Variants in PNPLA8 observed in about 807,000 individuals in gnomAD.
PNPLA8 encodes calcium-independent phospholipase A2-gamma.
A neutral mutation model predicts 76.9 loss-of-function variants in PNPLA8; 39 were observed. That is an observed-to-expected ratio of 0.51 (90% CI 0.39 to 0.66). The LOEUF is 0.66. PNPLA8 is among the 30% of genes least tolerant of loss of function. PNPLA8 has a pLI of 0.00. For missense variants in PNPLA8, 887 were observed against 918.0 expected, an observed-to-expected ratio of 0.97 and a Z score of 0.44; for synonymous variants, 301 against 307.9, an observed-to-expected ratio of 0.98 and a Z score of 0.24.
chr7:108,496,402 AAACT>A, intron 7 of PNPLA8, 178 bp downstream of exon 7: 1 of 447,342 alleles, frequency 2.2e-6, no homozygotes, highest in East Asian at 4.0e-5. Flanking sequence ...AACAATTACT[AAACT>A]ATGATTCACC....
At chr7:108,476,341 C>T (rs1245394934) in intron 10 of PNPLA8, among the ~76,000 whole-genome samples, 1 of 152,136 alleles carries the variant, frequency 6.6e-6, no homozygotes, top group African/African-American at 2.4e-5. Context: ...AACTCTTATG[C>T]GACTGCCCGA....
intron 10 of PNPLA8, among the ~76,000 whole-genome samples, chr7:108,474,345 C>T (rs1859829958): frequency 1.3e-5 from 2 of 152,108 alleles, no homozygotes; most frequent in Non-Finnish European, 2.9e-5. Flanking sequence ...GATGTCTAGT[C>T]TCACACCTTC....
chr7:108,518,721 ATATATAT>A, intron 2 of PNPLA8, among the ~76,000 whole-genome samples: 1 of 3,284 alleles, frequency 3.0e-4, no homozygotes, highest in Non-Finnish European at 1.2e-3. Context: ...ATGCACATGA[ATATATAT>A]ATATATATAT....
In PNPLA8 at chr7:108,502,534, C is replaced by T; in HGVS notation, c.1315G>A (p.Gly439Arg). 1 of 1,612,152 alleles carries T rather than the reference C, an allele frequency of 6.2e-7. No homozygotes were observed. Among genetic ancestry groups the T allele is most frequent in the Non-Finnish European group, 8.5e-7 (1 of 1,179,016 alleles). ...ALIGYVDPVK[G>R]RGIRILSIDG... is the part of the protein sequence containing the mutation. ...ATTGAGAGAATTCGGATTCCTCTCC[C>T]TTTCACTGGATCCACATAGCCAATT... Residue 439 changes from glycine (G) to arginine (R), a missense_variant, in exon 5 of 11, where the codon GGG (glycine) becomes AGG (arginine). Coordinates refer to ENST00000257694, the MANE Select transcript of PNPLA8 (RefSeq NM_001256007.3).
chr7:108,506,775 C>T, intron 4 of PNPLA8, among the ~76,000 whole-genome samples: 1 of 151,366 alleles, frequency 6.6e-6, no homozygotes, highest in East Asian at 1.9e-4. Flanking sequence ...AAAAGAGGCA[C>T]AACTAAATTA....
chr7:108,496,622 A>C lies in PNPLA8; in HGVS notation c.1587T>G (p.His529Gln), dbSNP rs1256120394. ...CCCATGTTTGACTGTCATAAAATGC[A>C]TGGCTCCAACTCATTTTTACTGTTC... ...IVGTVKMSWS[H>Q]AFYDSQTWEN... Residue 529 changes from histidine to glutamine, a missense_variant, in exon 7 of 11, where the codon CAT becomes CAG. Transcript: ENST00000257694. 6.2e-7 allele frequency: 1 copy of C among 1,606,240 alleles called. No individual in the cohort carries two copies. Among genetic ancestry groups the C allele is most frequent in the Non-Finnish European group, 8.5e-7 (1 of 1,177,372 alleles).
At chr7:108,489,032 T>C (rs1400412743) in intron 8 of PNPLA8, among the ~76,000 whole-genome samples, 2 of 152,260 alleles carry the variant, frequency 1.3e-5, no homozygotes, top group East Asian at 1.9e-4. Context: ...AGTCTTTCTA[T>C]AGTTGGCATA....
chr7:108,506,149 G>A (rs988450293), intron 4 of PNPLA8, among the ~76,000 whole-genome samples: 4 of 152,188 alleles, frequency 2.6e-5, no homozygotes, highest in Non-Finnish European at 4.4e-5. Context: ...AGGCCGAAGT[G>A]GGCAGATTAC....
intron 7 of PNPLA8, among the ~76,000 whole-genome samples, chr7:108,494,502 T>C (rs1357038473): frequency 6.6e-6 from 1 of 152,248 alleles, no homozygotes; most frequent in Non-Finnish European, 1.5e-5. Context: ...CTTATTCTAA[T>C]GGCCTCCAGC....
intron 8 of PNPLA8, among the ~76,000 whole-genome samples, chr7:108,490,459 T>TA (rs778799353): frequency 3.3e-5 from 5 of 152,230 alleles, no homozygotes; most frequent in Non-Finnish European, 7.3e-5. Flanking sequence ...GTATTGTATC[T>TA]AAGAGGCATA....
intron 10 of PNPLA8, among the ~76,000 whole-genome samples, chr7:108,476,895 G>A (rs1195310025): frequency 6.6e-6 from 1 of 152,140 alleles, no homozygotes; most frequent in Non-Finnish European, 1.5e-5. Context: ...ACAGGAAAAT[G>A]AGTAGTGCAC....
chr7:108,519,445 T>G (rs1374557390), intron 2 of PNPLA8, among the ~76,000 whole-genome samples: 1 of 152,070 alleles, frequency 6.6e-6, no homozygotes, highest in Admixed American at 6.5e-5. Context: ...GTGCAGAGAT[T>G]ACATGTAGTC....
rs780772699 is a variant in PNPLA8 at position 108,487,968 on chromosome 7, A to C, written c.1684-15T>G. On this transcript the variant is annotated splice_polypyrimidine_tract_variant and intron_variant, in intron 8 of 10. Coordinates refer to ENST00000257694, the MANE Select transcript of PNPLA8 (RefSeq NM_001256007.3). ...ACAGCAGCTACCTAGTGAATGAAAA[A>C]GTGAACAATTCCATCATTAACAGTA... 1 of 1,506,746 alleles carries C rather than the reference A, an allele frequency of 6.6e-7. No homozygotes were observed. Among genetic ancestry groups the C allele is most frequent in the South Asian group, 1.2e-5 (1 of 85,436 alleles). The allele number at this position is 1,506,746 out of a possible 1,614,324, so 93.3% of individuals were successfully genotyped here. A position where few individuals can be genotyped will look rare whatever the true frequency, so the allele number is the denominator to read the frequency against.
At chr7:108,479,851 C>T (rs571956999) in intron 9 of PNPLA8, among the ~76,000 whole-genome samples, 12 of 152,042 alleles carry the variant, frequency 7.9e-5, no homozygotes, top group Admixed American at 2.0e-4. Context: ...GCAGATATAA[C>T]GTAAATAACA....
chr7:108,486,266 T>A (rs544657235), intron 9 of PNPLA8, among the ~76,000 whole-genome samples: 3 of 152,250 alleles, frequency 2.0e-5, no homozygotes, highest in African/African-American at 7.2e-5. Flanking sequence ...AACTGCAAGT[T>A]TGTAGCACTA....
At chr7:108,495,370 G>A (rs1861476888) in intron 7 of PNPLA8, among the ~76,000 whole-genome samples, 1 of 152,114 alleles carries the variant, frequency 6.6e-6, no homozygotes, top group South Asian at 2.1e-4. Context: ...ATTAATATAT[G>A]TTTCAAAAAA....
chr7:108,521,306 C>G (rs1417880341), intron 2 of PNPLA8, among the ~76,000 whole-genome samples, 170 bp downstream of exon 2: 2 of 152,140 alleles, frequency 1.3e-5, no homozygotes, highest in African/African-American at 4.8e-5. Flanking sequence ...TATGTGCTAG[C>G]TACAAACACA....
At position 108,470,678 on chromosome 7, in the gene PNPLA8, ATGT is replaced by A. The variant is rs1318515198; in HGVS notation, c.*1720_*1722del. ...GCATTTACAAGTTGTTCTTAGTTGC[ATGT>A]TATTATGTATTATTTGTGGTCTGAA... On this transcript the variant is annotated 3_prime_UTR_variant, in exon 11 of 11. Transcript: ENST00000257694. 1 of 152,112 alleles carries A rather than the reference ATGT, an allele frequency of 6.6e-6. No homozygotes were observed. The highest frequency in any genetic ancestry group is 3.2e-3 in the Middle Eastern group (1 of 316). 9.4% of individuals were successfully genotyped at this position (152,112 alleles called of 1,614,324 possible).
Position 108,496,680 on chromosome 7 carries a change from C to T in PNPLA8, c.1529G>A (p.Gly510Glu). The T allele has an allele frequency of 6.2e-7, 1 of 1,611,586 alleles. No individual in the cohort carries two copies. The highest frequency in any genetic ancestry group is 8.5e-7 in the Non-Finnish European group (1 of 1,178,484). ...DECEELYRKL[G>E]SDVFSQNVIV... The stretch of plus-strand genomic sequence containing the variant: ...GACATTTTGTGAAAATACATCTGAT[C>T]CTAATTTTCGATAAAGTTCCTCACA... Residue 510 changes from glycine to glutamate, a missense_variant, in exon 7 of 11, where the codon GGA (glycine) becomes GAA (glutamate). Gly to Glu is a moderately conservative substitution (Grantham distance 98). Transcript: ENST00000257694.
Sources: allele counts gnomAD v4.1 joint callset (sites outside exome capture counted in the v4.1 genomes callset), GRCh38; gene constraint gnomAD v4.1.1; transcripts MANE v1.5; gene names NCBI Gene and HGNC (gene_info 2026-07-23, HGNC 2026-07-21).